Variants in CRTC1 observed in about 807,000 individuals in gnomAD.
CRTC1 encodes the protein CREB regulated transcription coactivator 1.
In CRTC1, 18 loss-of-function variants were observed where a neutral mutation model predicts 66.1. That is an observed-to-expected ratio of 0.27 (90% CI 0.19 to 0.40). The LOEUF is 0.40. CRTC1 is among the 10% of genes least tolerant of loss of function. The probability of loss-of-function intolerance (pLI) is 1.00; values close to 1 mark genes in which losing one functional copy is unlikely to be tolerated. For missense variants in CRTC1, 669 were observed against 887.9 expected (o/e 0.75, Z 3.13); for synonymous variants, 416 against 398.8 (o/e 1.04, Z -0.51).
intron 1 of CRTC1, among the ~76,000 whole-genome samples, chr19:18,738,726 G>A (rs1038277531): frequency 6.6e-6 from 1 of 152,226 alleles, no homozygotes; most frequent in Non-Finnish European, 1.5e-5. Flanking sequence ...CTTGAACCCA[G>A]GAGGTAGAGG....
chr19:18,713,309 GT>G (rs796479552), intron 1 of CRTC1, among the ~76,000 whole-genome samples: 4 of 152,346 alleles, frequency 2.6e-5, no homozygotes, highest in African/African-American at 9.6e-5. Context: ...CATTTGGCCT[GT>G]TTCCACCTTT....
intron 1 of CRTC1, among the ~76,000 whole-genome samples, chr19:18,720,192 G>T (rs1362403340): frequency 6.6e-6 from 1 of 152,126 alleles, no homozygotes; most frequent in Non-Finnish European, 1.5e-5. Context: ...TTGAGATGGA[G>T]TCTCACTGTC....
chr19:18,698,869 T>C (rs952819359), intron 1 of CRTC1, among the ~76,000 whole-genome samples: 8 of 150,054 alleles, frequency 5.3e-5, no homozygotes, highest in African/African-American at 1.7e-4. Context: ...AAGTGCACAC[T>C]GTGTACTCAG....
At chr19:18,759,946 T>C in intron 7 of CRTC1, 62 bp from the exon 8 acceptor site, 2 of 1,152,060 alleles carry the variant, frequency 1.7e-6, no homozygotes, top group South Asian at 1.4e-5. Context: ...GCCAGCCCCC[T>C]GTCCCCGCCG....
intron 1 of CRTC1, among the ~76,000 whole-genome samples, chr19:18,694,653 C>T (rs1267076805): frequency 6.6e-6 from 1 of 152,016 alleles, no homozygotes; most frequent in African/African-American, 2.4e-5. Context: ...CCAGGCTGGT[C>T]TCAAACTCCT....
At chr19:18,732,234 G>T (rs1384725777) in intron 1 of CRTC1, among the ~76,000 whole-genome samples, 1 of 152,262 alleles carries the variant, frequency 6.6e-6, no homozygotes, top group African/African-American at 2.4e-5. Context: ...TTGGAGGTGG[G>T]GCTGTTAGGA....
intron 8 of CRTC1, among the ~76,000 whole-genome samples, chr19:18,763,865 G>T (rs562340994): frequency 6.6e-6 from 1 of 152,218 alleles, no homozygotes; most frequent in Non-Finnish European, 1.5e-5. Flanking sequence ...CTGGACGCAC[G>T]AAGTGGCGGA....
rs759984138 is a variant in CRTC1 at position 18,748,699 on chromosome 19, C to CA, written c.444-1069dup. ...TGGGGGGCAGAGTGAGACCCTGTCT[C>CA]AAAAAAAAAAAAAGAAAAACCATAT... On this transcript the variant is annotated intron_variant, in intron 4 of 13. Transcript: ENST00000321949. 1.0e-3 allele frequency among the ~76,000 whole-genome samples: 124 copies of CA among 121,216 alleles called. No homozygotes were observed. In the Middle Eastern group the frequency reaches 0.013, roughly 13 times the overall value. The allele number at this position is 121,216 out of a possible 152,430, so 79.5% of individuals were successfully genotyped here.
rs2054587767 is a variant in CRTC1, at chr19:18,760,395, G to A, written c.886+167G>A. ...AGCGGGCACAGGCATCCCAGGTAGG[G>A]GTGGGGCCTGGGTACAGGCCTGGTG... is the stretch of plus-strand genomic sequence containing the variant. On this transcript the variant is annotated intron_variant, in intron 8 of 13. Coordinates refer to ENST00000321949, the MANE Select transcript of CRTC1 (RefSeq NM_015321.3). This position sits in a 1 kb window ranked among gnomAD's most constrained non-coding sequence, Gnocchi z 6.2. Among the ~76,000 whole-genome samples, 1 of 152,184 alleles carries A rather than the reference G, an allele frequency of 6.6e-6. No homozygotes were observed. The highest frequency in any genetic ancestry group is 2.4e-5 in the African/African-American group (1 of 41,442).
chr19:18,772,620 G>C (rs2054895230), intron 11 of CRTC1, among the ~76,000 whole-genome samples: 1 of 152,190 alleles, frequency 6.6e-6, no homozygotes, highest in Admixed American at 6.5e-5. Flanking sequence ...GACAAGGACA[G>C]TGAAGCCCCT....
chr19:18,764,916 AG>A (rs998057068), intron 8 of CRTC1, among the ~76,000 whole-genome samples: 5 of 152,314 alleles, frequency 3.3e-5, no homozygotes, highest in Admixed American at 2.0e-4. Flanking sequence ...CCACAACCCA[AG>A]CCATTTTCAG....
At chr19:18,686,069 AC>A (rs1482796238) in intron 1 of CRTC1, among the ~76,000 whole-genome samples, 1 of 151,492 alleles carries the variant, frequency 6.6e-6, no homozygotes, top group African/African-American at 2.4e-5. Flanking sequence ...CCAGAAAGAA[AC>A]CCCGTCCCCA....
In CRTC1 at chr19:18,746,523, C is replaced by T. The variant is rs79811071; in HGVS notation, c.382-530C>T. Among the ~76,000 whole-genome samples, 163 of 151,334 alleles carry T rather than the reference C, an allele frequency of 1.1e-3. 2 individuals are homozygous for T. The East Asian group carries it at 0.029, about 27-fold the overall frequency. ...AGCCGCCCCTTGGTGCTCAGCCAGC[C>T]GGGCCCCACAACACCAGAGTCTGAG... On this transcript the variant is annotated intron_variant, in intron 3 of 13. Transcript: ENST00000321949.
In CRTC1 at chr19:18,741,929, G is replaced by A. The variant is rs1488044375; in HGVS notation, c.127-981G>A. Among the ~76,000 whole-genome samples the A allele has an allele frequency of 6.6e-6, 1 of 152,146 alleles. No homozygotes were observed. The highest frequency in any genetic ancestry group is 1.5e-5 in the Non-Finnish European group (1 of 68,004). On this transcript the variant is annotated intron_variant, in intron 1 of 13. Transcript: ENST00000321949. This position sits in a 1 kb window ranked among gnomAD's most constrained non-coding sequence, Gnocchi z 4.2. ...AGCTCTCCACGCACTGCCAGGAGCT[G>A]TTTGTAAGGAACGAGTCGGCCTTGT...
chr19:18,768,467 C>A lies in CRTC1; in HGVS notation c.1012-18C>A. On this transcript the variant is annotated intron_variant, in intron 9 of 13. Coordinates refer to ENST00000321949, the MANE Select transcript of CRTC1 (RefSeq NM_015321.3). The surrounding 1 kb of genome is among the most constrained non-coding windows in gnomAD (Gnocchi z 5.6). ...GACAACCAGGGCCCGCCCTGCCTGA[C>A]GCTCTCCTCTCCTGCAGGCTGTAGC... 1 of 1,604,786 alleles carries A rather than the reference C, an allele frequency of 6.2e-7. No individual in the cohort carries two copies. The highest frequency in any genetic ancestry group is 1.7e-5 in the Admixed American group (1 of 59,730).
intron 13 of CRTC1, among the ~76,000 whole-genome samples, 180 bp downstream of exon 13, chr19:18,776,001 T>TGGC (rs986783069): frequency 7.1e-6 from 1 of 140,950 alleles, no homozygotes; most frequent in Non-Finnish European, 1.5e-5. Context: ...CTCCTGGGCT[T>TGGC]CGGGCCAGGC....
intron 1 of CRTC1, among the ~76,000 whole-genome samples, chr19:18,704,666 C>T (rs112046750): frequency 0.1 from 15,852 of 152,174 alleles, 1,050 homozygotes; most frequent in East Asian, 0.26. Context: ...GAGCCATGAT[C>T]GCACCACTGC....
At chr19:18,762,103 G>A (rs1014136254) in intron 8 of CRTC1, among the ~76,000 whole-genome samples, 5 of 152,192 alleles carry the variant, frequency 3.3e-5, no homozygotes, top group African/African-American at 9.7e-5. Context: ...CCCCTGCCCC[G>A]CATAGAAGCC....
At chr19:18,725,352 G>C (rs2053725021) in intron 1 of CRTC1, among the ~76,000 whole-genome samples, 1 of 152,110 alleles carries the variant, frequency 6.6e-6, no homozygotes, top group African/African-American at 2.4e-5. Flanking sequence ...CCTCCAGGGA[G>C]CCCCTGTCCA....
Sources: gnomAD v4.1 joint callset for allele counts (sites outside exome capture counted in the v4.1 genomes callset) on GRCh38, gnomAD v4.1.1 for gene constraint, Gnocchi (gnomAD v3.1) non-coding constraint, MANE v1.5 for transcripts, NCBI Gene and HGNC (gene_info 2026-07-23, HGNC 2026-07-21) for gene names.